The following ST6GALNAC5 variants were observed in gnomAD, a reference collection of about 807,000 sequenced individuals.
The protein encoded by ST6GALNAC5 is alpha-N-acetylgalactosaminide alpha-2,6-sialyltransferase 5.
ST6GALNAC5 carries 27 observed loss-of-function variants against 33.6 expected under a neutral mutation model. The ratio of observed to expected loss-of-function variants is 0.80; its 90% CI spans 0.59 to 1.11. The LOEUF is 1.11. Ranked by LOEUF, ST6GALNAC5 falls within the 50% of genes least tolerant of loss-of-function variation. The pLI is 0.00. For missense variants in ST6GALNAC5, 428 were observed against 454.0 expected (o/e 0.94, Z 0.52); for synonymous variants, 194 against 171.2 (o/e 1.13, Z -1.04).
rs553076907 is a variant in ST6GALNAC5, at chr1:77,009,277, G to T, written c.262-34927G>T. Among the ~76,000 whole-genome samples, 5 of 152,284 alleles carry T rather than the reference G, an allele frequency of 3.3e-5. No individual in the cohort carries two copies. The East Asian group carries it at 7.7e-4, about 24-fold the overall frequency. Reference sequence around the variant, plus strand: ...TATTTTCCTCTTTGGACTTAGCTGGGCCCAGTGAGAGTTTGGTTGAGAGTA... The same window carrying T: ...TATTTTCCTCTTTGGACTTAGCTGGTCCCAGTGAGAGTTTGGTTGAGAGTA... On this transcript the variant is annotated intron_variant, in intron 2 of 4. Coordinates refer to ENST00000477717, the MANE Select transcript of ST6GALNAC5 (RefSeq NM_030965.3).
At chr1:77,051,439 C>A (rs73005325) in intron 4 of ST6GALNAC5, among the ~76,000 whole-genome samples, 3 of 152,286 alleles carry the variant, frequency 2.0e-5, no homozygotes, top group South Asian at 4.1e-4. Context: ...GGCTAGGCTG[C>A]ACAGGTGTAA....
intron 3 of ST6GALNAC5, among the ~76,000 whole-genome samples, chr1:77,048,676 C>A (rs1244295046): frequency 6.6e-6 from 1 of 152,190 alleles, no homozygotes; most frequent in Non-Finnish European, 1.5e-5. Context: ...GAATTTTCTT[C>A]ATGGTTGCTA....
chr1:76,912,004 T>A (rs1456779039), intron 2 of ST6GALNAC5, among the ~76,000 whole-genome samples: 1 of 152,222 alleles, frequency 6.6e-6, no homozygotes, highest in Admixed American at 6.5e-5. Flanking sequence ...CTAGTTCTTA[T>A]AATTGTGATG....
chr1:76,991,839 G>GCGCACA (rs146498847), intron 2 of ST6GALNAC5, among the ~76,000 whole-genome samples: 4 of 149,352 alleles, frequency 2.7e-5, no homozygotes, highest in African/African-American at 9.8e-5. Context: ...ACGCGTGTGC[G>GCGCACA]CACACACACA....
At chr1:76,945,826 C>T (rs73001572) in intron 2 of ST6GALNAC5, among the ~76,000 whole-genome samples, 285 of 152,212 alleles carry the variant, frequency 1.9e-3, no homozygotes, top group African/African-American at 6.7e-3. Context: ...CTCCCACTTG[C>T]TGTGATATAA....
intron 2 of ST6GALNAC5, among the ~76,000 whole-genome samples, chr1:76,996,356 C>T (rs1268062702): frequency 2.0e-5 from 3 of 152,156 alleles, no homozygotes; most frequent in Non-Finnish European, 4.4e-5. Context: ...TACTATGCGC[C>T]AGACATGCAA....
intron 3 of ST6GALNAC5, among the ~76,000 whole-genome samples, chr1:77,045,597 A>G (rs1282808903): frequency 6.6e-6 from 1 of 152,216 alleles, no homozygotes. Context: ...AGATAAGGAA[A>G]ATGCTTTCTC....
At chr1:77,012,498 C>A (rs12354269) in intron 2 of ST6GALNAC5, among the ~76,000 whole-genome samples, 2,774 of 152,148 alleles carry the variant, frequency 0.018, 83 homozygotes, top group African/African-American at 0.063. Context: ...GTAGGGGACA[C>A]GAAATGCAAG....
intron 2 of ST6GALNAC5, among the ~76,000 whole-genome samples, chr1:76,884,454 G>T (rs981382482): frequency 7.1e-6 from 1 of 141,830 alleles, no homozygotes; most frequent in Non-Finnish European, 1.6e-5. Flanking sequence ...CTCTCCACCT[G>T]CAGGACAGCC....
intron 2 of ST6GALNAC5, among the ~76,000 whole-genome samples, chr1:76,930,393 C>G (rs759313994): frequency 1.3e-5 from 2 of 152,064 alleles, no homozygotes; most frequent in Non-Finnish European, 1.5e-5. Context: ...AGAAGTAATG[C>G]AGTTTTTAAG....
intron 2 of ST6GALNAC5, among the ~76,000 whole-genome samples, chr1:77,040,497 G>A (rs937622565): frequency 6.6e-6 from 1 of 152,154 alleles, no homozygotes; most frequent in African/African-American, 2.4e-5. Context: ...AATCACAGAG[G>A]GTCAGTATGG....
At chr1:76,996,957 T>C (rs960330090) in intron 2 of ST6GALNAC5, among the ~76,000 whole-genome samples, 17 of 152,194 alleles carry the variant, frequency 1.1e-4, no homozygotes, top group African/African-American at 4.1e-4. Context: ...GGATGTGTTA[T>C]ATTTTAACAA....
chr1:77,025,803 G>A (rs758996205), intron 2 of ST6GALNAC5, among the ~76,000 whole-genome samples: 1 of 152,036 alleles, frequency 6.6e-6, no homozygotes, highest in African/African-American at 2.4e-5. Context: ...CCCTCCTCCA[G>A]GCAGTCTTCT....
chr1:77,043,093 A>T (rs1570129860), intron 2 of ST6GALNAC5, among the ~76,000 whole-genome samples: 1 of 152,230 alleles, frequency 6.6e-6, no homozygotes, highest in African/African-American at 2.4e-5. Context: ...ATTTCCTGAG[A>T]CAGTACAGGA....
intron 2 of ST6GALNAC5, among the ~76,000 whole-genome samples, chr1:76,977,363 C>T (rs556701077): frequency 7.9e-5 from 12 of 152,236 alleles, no homozygotes; most frequent in Admixed American, 2.6e-4. Flanking sequence ...ATGTACACAA[C>T]ATTGTTATTT....
intron 2 of ST6GALNAC5, among the ~76,000 whole-genome samples, chr1:76,932,976 G>C (rs949463521): frequency 5.3e-5 from 8 of 152,142 alleles, no homozygotes; most frequent in Admixed American, 5.2e-4. Flanking sequence ...CACCATCCCT[G>C]TTTTCCCCCA....
intron 2 of ST6GALNAC5, among the ~76,000 whole-genome samples, chr1:76,934,855 A>G (rs1030838972): frequency 8.5e-5 from 13 of 152,108 alleles, no homozygotes; most frequent in African/African-American, 3.1e-4. Flanking sequence ...TGGGTCTTCA[A>G]TGACGATGTG....
chr1:76,977,146 T>C (rs1382562040), intron 2 of ST6GALNAC5, among the ~76,000 whole-genome samples: 2 of 152,206 alleles, frequency 1.3e-5, no homozygotes, highest in Non-Finnish European at 2.9e-5. Flanking sequence ...AATACATTTC[T>C]TTCCACTTTA....
intron 2 of ST6GALNAC5, among the ~76,000 whole-genome samples, chr1:77,014,326 C>T (rs905370890): frequency 1.3e-5 from 2 of 152,188 alleles, no homozygotes; most frequent in Admixed American, 6.5e-5. Context: ...CTGTGTGGGG[C>T]TCTTCAACTT....
Sources: allele counts gnomAD v4.1 joint callset (sites outside exome capture counted in the v4.1 genomes callset), GRCh38; gene constraint gnomAD v4.1.1; transcripts MANE v1.5; gene names NCBI Gene and HGNC (gene_info 2026-07-23, HGNC 2026-07-21).